The following TAF12 variants were observed in gnomAD, a reference collection of about 807,000 sequenced individuals.
TAF12 encodes the protein TATA-box binding protein associated factor 12.
In TAF12, 3 loss-of-function variants were observed where a neutral mutation model predicts 20.8. The ratio of observed to expected loss-of-function variants is 0.14; its 90% CI spans 0.07 to 0.37. The LOEUF is 0.37. Ranked by LOEUF, TAF12 falls within the 10% of genes least tolerant of loss-of-function variation. The probability of loss-of-function intolerance (pLI) is 1.00; values close to 1 mark genes in which losing one functional copy is unlikely to be tolerated. For missense variants in TAF12, 131 were observed against 197.9 expected (o/e 0.66, Z 2.03); for synonymous variants, 69 against 70.2 (o/e 0.98, Z 0.09).
At chr1:28,634,454 A>G (rs950244105) in intron 1 of TAF12, among the ~76,000 whole-genome samples, 6 of 151,430 alleles carry the variant, frequency 4.0e-5, no homozygotes, top group African/African-American at 1.5e-4. Flanking sequence ...AAAAACAGGC[A>G]TTAACTGTGG....
At chr1:28,614,782 G>A (rs1263037373) in intron 3 of TAF12, among the ~76,000 whole-genome samples, 1 of 152,036 alleles carries the variant, frequency 6.6e-6, no homozygotes, top group East Asian at 1.9e-4. Flanking sequence ...ATTGGACTGT[G>A]TGAAGAGAAG....
chr1:28,625,678 A>T (rs1412803415), intron 1 of TAF12, among the ~76,000 whole-genome samples: 1 of 151,264 alleles, frequency 6.6e-6, no homozygotes, highest in Non-Finnish European at 1.5e-5. Flanking sequence ...AGTAGCTGGG[A>T]CTACAGGCAC....
At chr1:28,628,091 T>A (rs111810583) in intron 1 of TAF12, among the ~76,000 whole-genome samples, 136 of 151,934 alleles carry the variant, frequency 9.0e-4, no homozygotes, top group South Asian at 1.9e-3. Flanking sequence ...CCCTCCAGCT[T>A]CCCAGGAAAA....
intron 1 of TAF12, among the ~76,000 whole-genome samples, chr1:28,633,771 G>A (rs1242543152): frequency 6.6e-6 from 1 of 151,836 alleles, no homozygotes. Context: ...AATTAGCTGG[G>A]CATGGTGGTG....
intron 1 of TAF12, among the ~76,000 whole-genome samples, chr1:28,642,111 C>T (rs1426643989): frequency 6.6e-6 from 1 of 152,144 alleles, no homozygotes; most frequent in Non-Finnish European, 1.5e-5. Flanking sequence ...TTATCAAGTA[C>T]ATAACTGAGT....
Position 28,643,065 on chromosome 1 carries a change from A to C in TAF12, c.-158T>G. On this transcript the variant is annotated 5_prime_UTR_variant, in exon 1 of 6. Coordinates refer to ENST00000373824, the MANE Select transcript of TAF12 (RefSeq NM_005644.4). ...AGCGTTCGTCTCAGCAGCCGGTCCGACTGCGCGGCCCTCCCCGACTACTTC... is the reference window on the plus strand; with the variant it reads ...AGCGTTCGTCTCAGCAGCCGGTCCGCCTGCGCGGCCCTCCCCGACTACTTC... 2.0e-6 allele frequency: 2 copies of C among 985,860 alleles called. No homozygotes were observed. The highest frequency in any genetic ancestry group is 2.4e-6 in the Non-Finnish European group (2 of 829,950). 61.1% of individuals were successfully genotyped at this position (985,860 alleles called of 1,614,324 possible).
chr1:28,616,661 G>A (rs569133300), intron 3 of TAF12, among the ~76,000 whole-genome samples: 94 of 151,562 alleles, frequency 6.2e-4, no homozygotes, highest in African/African-American at 2.2e-3. Flanking sequence ...TTGAACCCCC[G>A]GGATGCAGAG....
intron 1 of TAF12, among the ~76,000 whole-genome samples, chr1:28,632,393 G>A (rs746083945): frequency 1.2e-4 from 18 of 152,050 alleles, no homozygotes; most frequent in Non-Finnish European, 2.2e-4. Flanking sequence ...CCAAGATTAC[G>A]CCATTGCATC....
chr1:28,620,203 G>A (rs562180161), intron 2 of TAF12, among the ~76,000 whole-genome samples: 15 of 135,546 alleles, frequency 1.1e-4, no homozygotes, highest in African/African-American at 3.9e-4. Context: ...GTGTAATCTC[G>A]GCTCACTGCA....
chr1:28,648,219 G>A, exon 1 of TAF12: 9 of 985,318 alleles, frequency 9.1e-6, no homozygotes, highest in Non-Finnish European at 1.1e-5. Context: ...GCTGAGAGCC[G>A]GTATTCCAAC....
intron 1 of TAF12, among the ~76,000 whole-genome samples, chr1:28,627,352 C>G (rs996987408): frequency 6.9e-6 from 1 of 145,910 alleles, no homozygotes; most frequent in Non-Finnish European, 1.5e-5. Context: ...AAGGCCACTG[C>G]ACTCCAGCCT....
intron 1 of TAF12, among the ~76,000 whole-genome samples, chr1:28,633,614 T>C (rs941592286): frequency 6.6e-6 from 1 of 150,722 alleles, no homozygotes; most frequent in Non-Finnish European, 1.5e-5. Flanking sequence ...CCGTCTCTAC[T>C]AAAAATACAA....
intron 1 of TAF12, among the ~76,000 whole-genome samples, chr1:28,628,623 A>G (rs1667517189): frequency 6.6e-6 from 1 of 152,008 alleles, no homozygotes; most frequent in African/African-American, 2.4e-5. Context: ...ACAGAATTAT[A>G]CACTTTAAAT....
At chr1:28,634,116 C>T (rs1488122746) in intron 1 of TAF12, among the ~76,000 whole-genome samples, 4 of 151,530 alleles carry the variant, frequency 2.6e-5, no homozygotes, top group Non-Finnish European at 5.9e-5. Context: ...AAATCAAAAA[C>T]AAAAACAGGC....
chr1:28,615,807 AG>A (rs1667021554), intron 3 of TAF12, among the ~76,000 whole-genome samples: 1 of 150,242 alleles, frequency 6.7e-6, no homozygotes, highest in Non-Finnish European at 1.5e-5. Flanking sequence ...ACTGACATTT[AG>A]GGAATCTTCC....
chr1:28,605,224 T>C, intron 5 of TAF12, 148 bp downstream of exon 5: 2 of 716,410 alleles, frequency 2.8e-6, no homozygotes, highest in Non-Finnish European at 4.8e-6. Context: ...CGCTGCTGCC[T>C]CTTGCCCTCT....
intron 1 of TAF12, among the ~76,000 whole-genome samples, chr1:28,632,225 G>A (rs1667654237): frequency 6.6e-6 from 1 of 152,164 alleles, no homozygotes; most frequent in South Asian, 2.1e-4. Flanking sequence ...ATCACCTGAG[G>A]TCAGGAGTTT....
chr1:28,642,792 G>A, intron 1 of TAF12, 200 bp downstream of exon 1: 21 of 985,172 alleles, frequency 2.1e-5, no homozygotes, highest in Non-Finnish European at 2.5e-5. Flanking sequence ...CGTTCCCTAA[G>A]TCCCGTCTTA....
At chr1:28,622,273 A>G (rs896881497) in intron 1 of TAF12, 108 bp from the exon 2 acceptor site, 80 of 1,133,832 alleles carry the variant, frequency 7.1e-5, no homozygotes, top group Non-Finnish European at 8.6e-5. Context: ...TAATCCCAGC[A>G]CTTTGGGAGG....
Sources: gnomAD v4.1 joint callset for allele counts (sites outside exome capture counted in the v4.1 genomes callset) on GRCh38, gnomAD v4.1.1 for gene constraint, MANE v1.5 for transcripts, NCBI Gene and HGNC (gene_info 2026-07-23, HGNC 2026-07-21) for gene names.